Variants in FAM227B observed in about 807,000 individuals in gnomAD.
The protein encoded by FAM227B is protein FAM227B.
FAM227B carries 88 observed loss-of-function variants against 73.8 expected under a neutral mutation model. The ratio of observed to expected loss-of-function variants is 1.19; its 90% CI spans 1.00 to 1.42. The LOEUF (loss-of-function observed/expected upper bound fraction) is 1.42, where lower values mean the gene tolerates loss of function less well. FAM227B is among the 40% of genes most tolerant of loss of function. FAM227B has a pLI of 0.00. For synonymous variants in FAM227B, 210 were observed against 190.5 expected, an observed-to-expected ratio of 1.10 and a Z score of -0.84; for missense variants, 632 against 590.9, an observed-to-expected ratio of 1.07 and a Z score of -0.72.
At chr15:49,386,147 G>C (rs906519214) in intron 11 of FAM227B, among the ~76,000 whole-genome samples, 1 of 151,650 alleles carries the variant, frequency 6.6e-6, no homozygotes, top group Non-Finnish European at 1.5e-5. Context: ...TAGAACAAAT[G>C]AACTTAAAGA....
intron 11 of FAM227B, among the ~76,000 whole-genome samples, chr15:49,406,773 G>A (rs1316201215): frequency 6.6e-6 from 1 of 152,090 alleles, no homozygotes; most frequent in Non-Finnish European, 1.5e-5. Flanking sequence ...ACGCATGTGT[G>A]CCGGTACATG....
At chr15:49,523,450 C>T (rs755422393) in intron 10 of FAM227B, among the ~76,000 whole-genome samples, 4 of 152,150 alleles carry the variant, frequency 2.6e-5, no homozygotes, top group Non-Finnish European at 5.9e-5. Context: ...CCTTCCACCA[C>T]GATTGTGAGG....
At chr15:49,362,757 GGTC>G (rs112117430) in intron 13 of FAM227B, among the ~76,000 whole-genome samples, 25,454 of 151,942 alleles carry the variant, frequency 0.17, 2,383 homozygotes, top group Non-Finnish European at 0.21. Flanking sequence ...AATAGGTTTA[GGTC>G]TTACACTTAA....
At chr15:49,345,038 T>A (rs1217474287) in intron 13 of FAM227B, among the ~76,000 whole-genome samples, 2 of 152,234 alleles carry the variant, frequency 1.3e-5, no homozygotes, top group Non-Finnish European at 2.9e-5. Context: ...CTATTTAATT[T>A]CTTCCTCAGA....
intron 9 of FAM227B, among the ~76,000 whole-genome samples, chr15:49,544,608 C>A (rs2071553410): frequency 6.6e-6 from 1 of 152,136 alleles, no homozygotes; most frequent in Non-Finnish European, 1.5e-5. Context: ...ATGCTTTCAA[C>A]TTCTCCCCAT....
chr15:49,521,437 T>C (rs978153273), intron 10 of FAM227B, among the ~76,000 whole-genome samples: 1 of 152,186 alleles, frequency 6.6e-6, no homozygotes, highest in Admixed American at 6.5e-5. Context: ...ACAATGGACA[T>C]GGAGGGGGTT....
At position 49,335,486 on chromosome 15, in the gene FAM227B, G is replaced by T; in HGVS notation, c.1282C>A (p.Pro428Thr). The T allele has an allele frequency of 6.2e-7, 1 of 1,613,078 alleles. No homozygotes were observed. The change falls in exon 14 of 16, where the codon CCA becomes ACA. Residue 428 changes from proline (P) to threonine (T), a missense_variant. Coordinates refer to ENST00000299338, the MANE Select transcript of FAM227B (RefSeq NM_152647.3). The part of the protein sequence containing the change: ...TKIFQEPLPA[P>T]TYRDVIKEAK... Reference sequence around the variant, plus strand: ...TCCTTTATAACATCACGGTATGTTGGAGCAGGTAGTGTGCTAGGCTTATTA... The same window carrying T: ...TCCTTTATAACATCACGGTATGTTGTAGCAGGTAGTGTGCTAGGCTTATTA...
intron 11 of FAM227B, among the ~76,000 whole-genome samples, chr15:49,494,552 G>T (rs2057431077): frequency 1.3e-5 from 2 of 152,110 alleles, no homozygotes; most frequent in African/African-American, 2.4e-5. Flanking sequence ...TTAGGATACT[G>T]CTTCCCCTGC....
chr15:49,560,698 A>T lies in FAM227B; in HGVS notation c.747+7547T>A, dbSNP rs548761648. Among the ~76,000 whole-genome samples the T allele has an allele frequency of 8.7e-4, 133 of 152,296 alleles. 5 individuals carry two copies. In the South Asian group the frequency reaches 0.026, roughly 30 times the overall value. On this transcript the variant is annotated intron_variant, in intron 9 of 15. Coordinates refer to ENST00000299338, the MANE Select transcript of FAM227B (RefSeq NM_152647.3). ...AGACCTCTCAGCAGAAACCTTTCAA[A>T]CCAGAATAGATTGGAGGTCTATTTT...
chr15:49,410,513 G>C (rs947378741), intron 11 of FAM227B, among the ~76,000 whole-genome samples: 1 of 151,968 alleles, frequency 6.6e-6, no homozygotes, highest in Non-Finnish European at 1.5e-5. Flanking sequence ...CAGCACATAA[G>C]TTGTGTCATT....
chr15:49,546,479 C>A (rs555053887), intron 9 of FAM227B, among the ~76,000 whole-genome samples: 1 of 152,050 alleles, frequency 6.6e-6, no homozygotes, highest in Non-Finnish European at 1.5e-5. Flanking sequence ...TACCCAGTAA[C>A]GGGATGGCTG....
chr15:49,338,837 T>A (rs911242718), intron 13 of FAM227B, among the ~76,000 whole-genome samples: 5 of 152,214 alleles, frequency 3.3e-5, no homozygotes, highest in African/African-American at 1.2e-4. Flanking sequence ...TTTCATTCTT[T>A]TTTTCTCTAA....
intron 11 of FAM227B, among the ~76,000 whole-genome samples, chr15:49,390,185 G>C (rs1235517749): frequency 6.6e-6 from 1 of 151,852 alleles, no homozygotes; most frequent in Non-Finnish European, 1.5e-5. Context: ...ACCACTATAC[G>C]GGCCACCCAA....
chr15:49,429,531 TC>T (rs2151776008), intron 11 of FAM227B, among the ~76,000 whole-genome samples: 1 of 152,004 alleles, frequency 6.6e-6, no homozygotes, highest in South Asian at 2.1e-4. Context: ...AACCTACAGT[TC>T]TAGAGCATTC....
intron 11 of FAM227B, among the ~76,000 whole-genome samples, chr15:49,389,785 T>G (rs1000281850): frequency 3.3e-5 from 5 of 152,088 alleles, no homozygotes; most frequent in African/African-American, 1.2e-4. Context: ...TTAGGAAAGC[T>G]GAAACAATTC....
intron 11 of FAM227B, among the ~76,000 whole-genome samples, chr15:49,400,994 A>G (rs1028257872): frequency 1.8e-4 from 27 of 152,180 alleles, no homozygotes; most frequent in East Asian, 3.8e-4. Context: ...GACAAAATTG[A>G]CAAATGGGAT....
chr15:49,553,038 C>G (rs1361010571), intron 9 of FAM227B, among the ~76,000 whole-genome samples: 1 of 152,118 alleles, frequency 6.6e-6, no homozygotes, highest in Non-Finnish European at 1.5e-5. Context: ...TCTTTGGTGT[C>G]TGGGCATTAA....
At chr15:49,556,029 T>G (rs1411523865) in intron 9 of FAM227B, among the ~76,000 whole-genome samples, 1 of 152,176 alleles carries the variant, frequency 6.6e-6, no homozygotes, top group African/African-American at 2.4e-5. Flanking sequence ...TAGAATTAGG[T>G]TATTATCGAT....
At chr15:49,404,903 C>G (rs2048414755) in intron 11 of FAM227B, among the ~76,000 whole-genome samples, 1 of 152,014 alleles carries the variant, frequency 6.6e-6, no homozygotes, top group South Asian at 2.1e-4. Flanking sequence ...TTTTTCCCGT[C>G]CATATTTAGT....
Sources: allele counts gnomAD v4.1 joint callset (sites outside exome capture counted in the v4.1 genomes callset), GRCh38; gene constraint gnomAD v4.1.1; transcripts MANE v1.5; gene names NCBI Gene and HGNC (gene_info 2026-07-23, HGNC 2026-07-21).